Variants in MYO5C observed in about 807,000 individuals in gnomAD.
MYO5C encodes unconventional myosin-Vc.
MYO5C carries 194 observed loss-of-function variants against 235.7 expected under a neutral mutation model. The ratio of observed to expected loss-of-function variants is 0.82; its 90% CI spans 0.73 to 0.93. The LOEUF (loss-of-function observed/expected upper bound fraction) is 0.93. Ranked by LOEUF, MYO5C falls within the 40% of genes least tolerant of loss-of-function variation. The pLI is 0.00. For synonymous variants in MYO5C, 707 were observed against 754.8 expected, an observed-to-expected ratio of 0.94 and a Z score of 1.04; for missense variants, 2,038 against 2,127.2, an observed-to-expected ratio of 0.96 and a Z score of 0.82.
chr15:52,238,175 C>T (rs1817579094), intron 21 of MYO5C, among the ~76,000 whole-genome samples: 1 of 152,128 alleles, frequency 6.6e-6, no homozygotes, highest in African/African-American at 2.4e-5. Flanking sequence ...GAAACCAACC[C>T]TGCCAAAACC....
At position 52,256,593 on chromosome 15, in the gene MYO5C, G is replaced by GCGCGCGCA. The variant is rs767181643; in HGVS notation, c.1395+45_1395+46insTGCGCGCG. On this transcript the variant is annotated intron_variant, in intron 11 of 40. Transcript: ENST00000261839. The stretch of plus-strand genomic sequence containing the variant: ...CACACACACACACACACACACGCGC[G>GCGCGCGCA]CGCGCGCGGCTGAGAACTAGTCAAG... 4.7e-6 allele frequency: 6 copies of GCGCGCGCA among 1,275,586 alleles called. No individual in the cohort carries two copies. In the African/African-American group the frequency reaches 8.1e-5, roughly 17 times the overall value. 79.0% of individuals were successfully genotyped at this position (1,275,586 alleles called of 1,614,324 possible).
intron 35 of MYO5C, among the ~76,000 whole-genome samples, chr15:52,210,210 T>A (rs1208173308): frequency 6.6e-6 from 1 of 152,124 alleles, no homozygotes; most frequent in Admixed American, 6.5e-5. Context: ...GCGATCTACC[T>A]GCCTCAGCCT....
chr15:52,223,837 T>A, intron 28 of MYO5C, 113 bp from the exon 29 acceptor site: 1 of 887,242 alleles, frequency 1.1e-6, no homozygotes, highest in Non-Finnish European at 1.7e-6. Flanking sequence ...GTACATCAAG[T>A]TTACTTATGC....
At chr15:52,282,039 A>G (rs2037171010) in intron 2 of MYO5C, among the ~76,000 whole-genome samples, 1 of 152,202 alleles carries the variant, frequency 6.6e-6, no homozygotes, top group African/African-American at 2.4e-5. Flanking sequence ...CATGAGGGAC[A>G]CTTAGAGCAA....
chr15:52,221,328 C>A (rs1392863954), intron 29 of MYO5C, 73 bp from the exon 30 acceptor site: 7 of 1,085,572 alleles, frequency 6.4e-6, no homozygotes, highest in East Asian at 2.6e-5. Context: ...TAGAAGCAAA[C>A]TGAACTATCT....
intron 5 of MYO5C, among the ~76,000 whole-genome samples, chr15:52,274,392 C>G (rs2140848784): frequency 6.6e-6 from 1 of 152,296 alleles, no homozygotes; most frequent in Non-Finnish European, 1.5e-5. Flanking sequence ...ATCTTCCTAC[C>G]TCAGCCTCTT....
In MYO5C at chr15:52,272,712, A is replaced by G; in HGVS notation, c.618T>C (p.Asn206=). The G allele has an allele frequency of 1.2e-6, 2 of 1,612,792 alleles. No homozygotes were observed. Among genetic ancestry groups the G allele is most frequent in the East Asian group, 2.2e-5 (1 of 44,880 alleles). Residue 206 remains asparagine (N), a synonymous_variant, in exon 6 of 41, where the codon AAT becomes AAC. Coordinates refer to ENST00000261839, the MANE Select transcript of MYO5C (RefSeq NM_018728.4). The part of the protein sequence containing the change: ...ASNPITEAVG[N]AKTTRNDNSS... ...TATTGTCATTGCGGGTGGTCTTGGCATTTCCAACGGCCTAAAAAAAATAAG... is the reference window on the plus strand; with the variant it reads ...TATTGTCATTGCGGGTGGTCTTGGCGTTTCCAACGGCCTAAAAAAAATAAG...
chr15:52,272,698 C>A lies in MYO5C; in HGVS notation c.632G>T (p.Arg211Leu). 3 of 1,613,748 alleles carry A rather than the reference C, an allele frequency of 1.9e-6. No homozygotes were observed. The highest frequency in any genetic ancestry group is 2.5e-6 in the Non-Finnish European group (3 of 1,179,878). The change falls in exon 6 of 41, where the codon CGC (arginine) becomes CTC (leucine). Residue 211 changes from arginine to leucine, a missense_variant. By Grantham distance (102) the Arg-to-Leu change is moderately radical. Coordinates refer to ENST00000261839, the MANE Select transcript of MYO5C (RefSeq NM_018728.4). ...TEAVGNAKTT[R>L]NDNSSRFGKY... is the part of the protein sequence containing the mutation. ...CCCAAACCGACTACTATTGTCATTG[C>A]GGGTGGTCTTGGCATTTCCAACGGC...
intron 23 of MYO5C, among the ~76,000 whole-genome samples, chr15:52,235,010 CT>C (rs1232801036): frequency 6.6e-6 from 1 of 152,132 alleles, no homozygotes; most frequent in Non-Finnish European, 1.5e-5. Flanking sequence ...TGCCTGTTGC[CT>C]TTTCTGGGGT....
At chr15:52,285,448 C>T (rs2037243631) in intron 1 of MYO5C, among the ~76,000 whole-genome samples, 1 of 148,852 alleles carries the variant, frequency 6.7e-6, no homozygotes, top group Non-Finnish European at 1.5e-5. Flanking sequence ...CCTCTCCCTC[C>T]TCTCCCTCTC....
At chr15:52,218,817 G>A in intron 31 of MYO5C, 130 bp from the exon 32 acceptor site, 3 of 893,400 alleles carry the variant, frequency 3.4e-6, no homozygotes, top group Non-Finnish European at 5.1e-6. Flanking sequence ...AAAGCAAATA[G>A]TATTCGAATA....
At chr15:52,213,979 G>C (rs562747882) in intron 33 of MYO5C, among the ~76,000 whole-genome samples, 1 of 152,292 alleles carries the variant, frequency 6.6e-6, no homozygotes, top group Admixed American at 6.5e-5. Context: ...GAATAAAGCT[G>C]CTCTTCAAAG....
rs759183370 is a variant in MYO5C, at chr15:52,218,540, G to C, written c.3933C>G (p.Ser1311=). The C allele has an allele frequency of 6.2e-7, 1 of 1,614,166 alleles. No homozygotes were observed. The highest frequency in any genetic ancestry group is 1.1e-5 in the South Asian group (1 of 91,076). The change falls in exon 32 of 41, where the codon TCC becomes TCG. Residue 1311 remains serine (S), a synonymous_variant. Transcript: ENST00000261839. ...TCACCCTGTTTTCCAAAGTGAGCCGGGATGCTTCCTGCCGGAAGTTACACT... is the reference window on the plus strand; with the variant it reads ...TCACCCTGTTTTCCAAAGTGAGCCGCGATGCTTCCTGCCGGAAGTTACACT... ...EVKCNFRQEA[S]RLTLENRDLE... is the part of the protein sequence containing the mutation.
chr15:52,247,330 A>G (rs943970329), intron 15 of MYO5C, 128 bp downstream of exon 15: 11 of 1,115,192 alleles, frequency 9.9e-6, no homozygotes, highest in Non-Finnish European at 1.4e-5. Context: ...AGTGGAGTCC[A>G]TGTTAGATTG....
At chr15:52,283,111 G>T (rs1456112671) in intron 1 of MYO5C, among the ~76,000 whole-genome samples, 4 of 152,150 alleles carry the variant, frequency 2.6e-5, no homozygotes, top group Admixed American at 6.5e-5. Flanking sequence ...AAGCCTCCTA[G>T]ATAAACCTTG....
At chr15:52,273,108 C>A (rs1478342743) in intron 5 of MYO5C, among the ~76,000 whole-genome samples, 1 of 152,128 alleles carries the variant, frequency 6.6e-6, no homozygotes, top group Admixed American at 6.5e-5. Context: ...CACTTGAGGC[C>A]AGGAGTTTGA....
chr15:52,279,143 T>C (rs2037112079), intron 3 of MYO5C, 126 bp from the exon 4 acceptor site: 2 of 978,092 alleles, frequency 2.0e-6, no homozygotes, highest in Non-Finnish European at 3.0e-6. Context: ...GGCAAGTCAC[T>C]TCACGCACTG....
chr15:52,216,211 A>AG (rs1238859039), intron 32 of MYO5C, among the ~76,000 whole-genome samples: 6 of 152,092 alleles, frequency 3.9e-5, no homozygotes, highest in South Asian at 2.1e-4. Flanking sequence ...AATTATTATT[A>AG]TTATTAGTAG....
intron 14 of MYO5C, 54 bp from the exon 15 acceptor site, chr15:52,247,646 A>G: frequency 1.3e-6 from 2 of 1,591,418 alleles, no homozygotes; most frequent in Non-Finnish European, 1.7e-6. Context: ...CACAGTACTC[A>G]CTCATACAAG....
Sources: gnomAD v4.1 joint callset for allele counts (sites outside exome capture counted in the v4.1 genomes callset) on GRCh38, gnomAD v4.1.1 for gene constraint, MANE v1.5 for transcripts, NCBI Gene and HGNC (gene_info 2026-07-23, HGNC 2026-07-21) for gene names.